KSR2: variants seen among roughly 807,000 people sequenced by gnomAD.
KSR2 encodes the protein kinase suppressor of ras 2.
A neutral mutation model predicts 107.8 loss-of-function variants in KSR2; 25 were observed. The observed-to-expected ratio is 0.23, with a 90% CI of 0.17 to 0.32. The LOEUF (loss-of-function observed/expected upper bound fraction) is 0.32. Among genes scored for constraint, KSR2 ranks in the 10% least tolerant of loss-of-function variants. The probability of loss-of-function intolerance (pLI) is 1.00; values close to 1 mark genes in which losing one functional copy is unlikely to be tolerated. For synonymous variants in KSR2, 480 were observed against 507.0 expected (o/e 0.95, Z 0.71); for missense variants, 887 against 1,268.9 (o/e 0.70, Z 4.57).
chr12:117,797,621 A>G (rs1275004229), intron 3 of KSR2, among the ~76,000 whole-genome samples: 1 of 127,984 alleles, frequency 7.8e-6, no homozygotes, highest in Non-Finnish European at 1.7e-5. Context: ...CTTTAAAACG[A>G]TTAATTTTAT....
intron 4 of KSR2, among the ~76,000 whole-genome samples, chr12:117,745,658 A>G (rs537209591): frequency 2.0e-5 from 3 of 152,336 alleles, no homozygotes; most frequent in South Asian, 4.1e-4. Context: ...TTTGCAGATG[A>G]CATGATTTTA....
At chr12:117,826,850 C>T (rs910979637) in intron 3 of KSR2, among the ~76,000 whole-genome samples, 1 of 151,792 alleles carries the variant, frequency 6.6e-6, no homozygotes, top group African/African-American at 2.4e-5. Flanking sequence ...TTTGGGAGGC[C>T]AAGGTGGGCA....
chr12:117,810,656 T>C (rs533424210), intron 3 of KSR2, among the ~76,000 whole-genome samples: 1 of 152,338 alleles, frequency 6.6e-6, no homozygotes, highest in South Asian at 2.1e-4. Flanking sequence ...AATTAAATTA[T>C]CATTTCTTAG....
chr12:117,894,761 C>T (rs1217943998), intron 1 of KSR2, among the ~76,000 whole-genome samples: 1 of 143,006 alleles, frequency 7.0e-6, no homozygotes, highest in Non-Finnish European at 1.5e-5. Flanking sequence ...CTCCCTCTCT[C>T]ACTCTGGCCA....
At chr12:117,551,328 C>T (rs1877294189) in intron 9 of KSR2, among the ~76,000 whole-genome samples, 1 of 152,044 alleles carries the variant, frequency 6.6e-6, no homozygotes, top group South Asian at 2.1e-4. Flanking sequence ...TCCTTCTCCT[C>T]TTTCTCTGTC....
At chr12:117,560,984 A>T (rs1203106127) in intron 7 of KSR2, among the ~76,000 whole-genome samples, 2 of 152,220 alleles carry the variant, frequency 1.3e-5, no homozygotes, top group Non-Finnish European at 2.9e-5. Flanking sequence ...TTTCTTTATA[A>T]ATTACCCAGC....
In KSR2 at chr12:117,928,182, C is replaced by CTTT. The variant is rs35971412; in HGVS notation, c.180+39891_180+39893dup. Among the ~76,000 whole-genome samples, 384 of 140,686 alleles carry CTTT rather than the reference C, an allele frequency of 2.7e-3. 2 individuals carry two copies. The highest frequency in any genetic ancestry group is 9.4e-3 in the African/African-American group (356 of 37,926). The allele number at this position is 140,686 out of a possible 152,430, so 92.3% of individuals were successfully genotyped here. On this transcript the variant is annotated intron_variant, in intron 1 of 19. Coordinates refer to ENST00000339824, the MANE Select transcript of KSR2 (RefSeq NM_173598.6). ...GTGTCAGCACTTCATTCCTTCTTTCCTTTTTTTTTTTTTTTGAGACAGGGT... is the reference window on the plus strand; with the variant it reads ...GTGTCAGCACTTCATTCCTTCTTTCCTTTTTTTTTTTTTTTTTTGAGACAGGGT...
intron 5 of KSR2, among the ~76,000 whole-genome samples, chr12:117,653,455 A>G (rs7298538): frequency 0.46 from 70,586 of 152,188 alleles, 18,667 homozygotes; most frequent in Non-Finnish European, 0.6. Context: ...TTATTCGGAG[A>G]GAGACCTTGA....
intron 4 of KSR2, among the ~76,000 whole-genome samples, chr12:117,752,304 A>G (rs935811999): frequency 2.6e-5 from 4 of 152,210 alleles, no homozygotes; most frequent in Non-Finnish European, 5.9e-5. Flanking sequence ...CAAACTACAC[A>G]CGTCTGAACA....
chr12:117,674,357 C>T (rs976163243), intron 4 of KSR2: 1 of 477,614 alleles, frequency 2.1e-6, no homozygotes. Flanking sequence ...TTTTGTTATA[C>T]TAAAGTGAAA....
chr12:117,733,825 T>A (rs1338473535), intron 4 of KSR2, among the ~76,000 whole-genome samples: 1 of 152,198 alleles, frequency 6.6e-6, no homozygotes, highest in Non-Finnish European at 1.5e-5. Flanking sequence ...TGCAACTCGG[T>A]GCCCCAGGCC....
At chr12:117,565,265 G>C (rs763562158) in intron 7 of KSR2, among the ~76,000 whole-genome samples, 3 of 152,156 alleles carry the variant, frequency 2.0e-5, no homozygotes, top group Admixed American at 6.5e-5. Context: ...GATCAGCTTC[G>C]ATCTCTCATT....
intron 19 of KSR2, 136 bp from the exon 20 acceptor site, chr12:117,467,341 A>T: frequency 1.9e-6 from 1 of 516,200 alleles, no homozygotes; most frequent in East Asian, 3.4e-5. Flanking sequence ...GAAGACATGG[A>T]AGAGATTTCT....
intron 5 of KSR2, among the ~76,000 whole-genome samples, chr12:117,634,900 C>T (rs1021017403): frequency 1.3e-5 from 2 of 152,142 alleles, no homozygotes; most frequent in Admixed American, 6.5e-5. Flanking sequence ...AGAAGTTATC[C>T]AGCCTAAGCC....
intron 7 of KSR2, among the ~76,000 whole-genome samples, chr12:117,576,295 C>A (rs1879281487): frequency 6.6e-6 from 1 of 152,112 alleles, no homozygotes; most frequent in Admixed American, 6.5e-5. Flanking sequence ...GGACTAGATA[C>A]AGATGAGTCT....
intron 1 of KSR2, among the ~76,000 whole-genome samples, chr12:117,931,699 C>A (rs1303182824): frequency 6.6e-6 from 1 of 152,220 alleles, no homozygotes; most frequent in Non-Finnish European, 1.5e-5. Flanking sequence ...ACCATAGGAA[C>A]AATACAACCA....
At chr12:117,644,620 T>C (rs1422980594) in intron 5 of KSR2, among the ~76,000 whole-genome samples, 3 of 152,150 alleles carry the variant, frequency 2.0e-5, no homozygotes, top group African/African-American at 7.2e-5. Context: ...TGGAAACCAC[T>C]AGGCAAGAAG....
At chr12:117,886,290 T>TA (rs1413510531) in intron 1 of KSR2, among the ~76,000 whole-genome samples, 16 of 151,340 alleles carry the variant, frequency 1.1e-4, no homozygotes, top group African/African-American at 3.9e-4. Context: ...ATTATACAGG[T>TA]ATATACCTAT....
chr12:117,799,609 C>CT (rs371715233), intron 3 of KSR2, among the ~76,000 whole-genome samples: 17 of 152,086 alleles, frequency 1.1e-4, no homozygotes, highest in African/African-American at 3.9e-4. Flanking sequence ...TGTCCTTATT[C>CT]TTTCTAACAG....
Sources: allele counts gnomAD v4.1 joint callset (sites outside exome capture counted in the v4.1 genomes callset), GRCh38; gene constraint gnomAD v4.1.1; transcripts MANE v1.5; gene names NCBI Gene and HGNC (gene_info 2026-07-23, HGNC 2026-07-21).